CDH12: variants seen among roughly 807,000 people sequenced by gnomAD.
CDH12 encodes cadherin-12.
Under a neutral mutation model 74.1 loss-of-function variants are expected in CDH12, and 41 were observed. That is an observed-to-expected ratio of 0.55 (90% CI 0.43 to 0.72). The LOEUF (loss-of-function observed/expected upper bound fraction) is 0.72. CDH12 is among the 30% of genes least tolerant of loss of function. CDH12 has a pLI of 0.00. For missense variants in CDH12, 945 were observed against 977.2 expected, an observed-to-expected ratio of 0.97 and a Z score of 0.44; for synonymous variants, 399 against 355.0, an observed-to-expected ratio of 1.12 and a Z score of -1.39.
chr5:22,372,911 A>T (rs868822640), intron 3 of CDH12, among the ~76,000 whole-genome samples: 9 of 152,084 alleles, frequency 5.9e-5, no homozygotes, highest in African/African-American at 1.7e-4. Flanking sequence ...CTGCTGTGGG[A>T]TGGAGGCACC....
rs984383049 is a variant in CDH12, at chr5:22,342,680, C to A, written c.-333+62577G>T. Among the ~76,000 whole-genome samples the A allele has an allele frequency of 3.4e-5, 5 of 145,354 alleles. No individual in the cohort carries two copies. The East Asian group carries it at 1.0e-3, about 29-fold the overall frequency. ...TTCTTTCTCTTTCTTTCCTTTCCTT[C>A]TTTTTCTTTCTTTCTTCTTTTTTCT... On this transcript the variant is annotated intron_variant, in intron 3 of 14. Coordinates refer to ENST00000382254, the MANE Select transcript of CDH12 (RefSeq NM_004061.5).
Position 22,025,232 on chromosome 5 carries a change from A to G in CDH12, c.232-49847T>C, listed in dbSNP as rs998344867. Reference sequence around the variant, plus strand: ...AAATATAAATTTCTGGACACAAGGGAGCTTACTTTTTGGACTCTTTATATT... The same window carrying G: ...AAATATAAATTTCTGGACACAAGGGGGCTTACTTTTTGGACTCTTTATATT... On this transcript the variant is annotated intron_variant, in intron 5 of 14. Transcript: ENST00000382254. Among the ~76,000 whole-genome samples, 110 of 152,242 alleles carry G rather than the reference A, an allele frequency of 7.2e-4. 1 individual carries two copies. Among genetic ancestry groups the G allele is most frequent in the African/African-American group, 2.3e-3 (95 of 41,564 alleles).
chr5:22,075,259 A>G (rs1225680085), intron 5 of CDH12, among the ~76,000 whole-genome samples: 1 of 139,728 alleles, frequency 7.2e-6, no homozygotes, highest in African/African-American at 2.7e-5. Context: ...GAATTGAACA[A>G]TGAGAACACT....
intron 1 of CDH12, among the ~76,000 whole-genome samples, chr5:22,635,013 C>G (rs983041765): frequency 2.7e-5 from 4 of 150,730 alleles, no homozygotes; most frequent in Admixed American, 6.6e-5. Flanking sequence ...AAGATGATCA[C>G]ATAATGCAAG....
At chr5:22,775,152 A>T (rs1227615579) in intron 1 of CDH12, among the ~76,000 whole-genome samples, 1 of 152,046 alleles carries the variant, frequency 6.6e-6, no homozygotes, top group Non-Finnish European at 1.5e-5. Flanking sequence ...AAATTCAAAA[A>T]GCACAGGTTT....
rs528153489 is a variant in CDH12 at position 22,124,387 on chromosome 5, G to A, written c.-186-45525C>T. On this transcript the variant is annotated intron_variant, in intron 4 of 14. Coordinates refer to ENST00000382254, the MANE Select transcript of CDH12 (RefSeq NM_004061.5). ...GATCCGCACGACTCGGCCTCCCAAA[G>A]TGCTGGGATTACAGGCGTGAGCCAC... is the stretch of plus-strand genomic sequence containing the variant. Among the ~76,000 whole-genome samples, 764 of 152,098 alleles carry A rather than the reference G, an allele frequency of 5.0e-3. 5 individuals carry two copies. The highest frequency in any genetic ancestry group is 0.017 in the African/African-American group (704 of 41,508).
At chr5:22,596,582 C>G (rs1362018995) in intron 1 of CDH12, among the ~76,000 whole-genome samples, 1 of 152,146 alleles carries the variant, frequency 6.6e-6, no homozygotes, top group Non-Finnish European at 1.5e-5. Flanking sequence ...TCAGGATTGA[C>G]TAATAATGTT....
At chr5:22,401,483 T>G (rs1417535628) in intron 3 of CDH12, among the ~76,000 whole-genome samples, 2 of 152,216 alleles carry the variant, frequency 1.3e-5, no homozygotes, top group African/African-American at 2.4e-5. Context: ...GGTTTCATAA[T>G]ATTTTGTTAC....
chr5:22,109,304 C>G (rs955645895), intron 4 of CDH12, among the ~76,000 whole-genome samples: 1 of 152,084 alleles, frequency 6.6e-6, no homozygotes, highest in African/African-American at 2.4e-5. Flanking sequence ...GAGATAACAT[C>G]CCCCTCCAGA....
intron 1 of CDH12, among the ~76,000 whole-genome samples, chr5:22,581,862 TA>T (rs982873797): frequency 6.6e-6 from 1 of 151,360 alleles, no homozygotes; most frequent in Non-Finnish European, 1.5e-5. Flanking sequence ...AAATCCTGGC[TA>T]AAAAAAAATT....
rs1418178156 is a variant in CDH12, at chr5:22,831,317, TAGG to T, written c.-523+21738_-523+21740del. ...ATTGAGATGATTCTGAGAAATGAAA[TAGG>T]AGAGACAAAGGAAGGTAGGGGTTTT... On this transcript the variant is annotated intron_variant, in intron 1 of 14. Transcript: ENST00000382254. Among the ~76,000 whole-genome samples, 4 of 150,006 alleles carry T rather than the reference TAGG, an allele frequency of 2.7e-5. No individual in the cohort carries two copies. The East Asian group carries it at 5.9e-4, about 22-fold the overall frequency.
At chr5:22,092,311 A>T (rs561321887) in intron 4 of CDH12, among the ~76,000 whole-genome samples, 8 of 152,266 alleles carry the variant, frequency 5.3e-5, no homozygotes, top group African/African-American at 1.9e-4. Context: ...AAGAATACAG[A>T]TATGGAAGTA....
At chr5:21,799,804 C>T (rs10941927) in intron 10 of CDH12, among the ~76,000 whole-genome samples, 1 of 151,928 alleles carries the variant, frequency 6.6e-6, no homozygotes, top group Non-Finnish European at 1.5e-5. Flanking sequence ...GCCTAGAAGA[C>T]ACACTGGGGT....
intron 3 of CDH12, among the ~76,000 whole-genome samples, chr5:22,293,012 CTGTAACCCACATCCATTCCCAA>C (rs1737463684): frequency 1.9e-5 from 1 of 51,582 alleles, no homozygotes. Context: ...CATTCCCAAT[CTGTAACCCACATCCATTCCCAA>C]TCTGTAGTCC....
chr5:22,600,733 C>T (rs1289648338), intron 1 of CDH12, among the ~76,000 whole-genome samples: 1 of 151,674 alleles, frequency 6.6e-6, no homozygotes, highest in Non-Finnish European at 1.5e-5. Flanking sequence ...TTTCACCTGT[C>T]TACTGTCATC....
intron 4 of CDH12, among the ~76,000 whole-genome samples, chr5:22,191,816 G>A (rs181505979): frequency 0.032 from 4,911 of 151,882 alleles, 125 homozygotes; most frequent in Non-Finnish European, 0.048. Flanking sequence ...CGCCCGCCTC[G>A]GCCTCCCAAA....
At chr5:22,458,198 G>A (rs952749150) in intron 2 of CDH12, among the ~76,000 whole-genome samples, 1 of 152,154 alleles carries the variant, frequency 6.6e-6, no homozygotes, top group Admixed American at 6.5e-5. Flanking sequence ...TCTTCTTAGT[G>A]TCTGGTGGTT....
At chr5:21,925,095 A>G (rs1171787802) in intron 6 of CDH12, among the ~76,000 whole-genome samples, 1 of 152,246 alleles carries the variant, frequency 6.6e-6, no homozygotes, top group Non-Finnish European at 1.5e-5. Flanking sequence ...TCCCAGCTAC[A>G]GCGTTACTAC....
intron 4 of CDH12, among the ~76,000 whole-genome samples, chr5:22,191,943 T>C (rs1750334233): frequency 2.0e-5 from 3 of 151,836 alleles, no homozygotes; most frequent in Admixed American, 2.0e-4. Flanking sequence ...TTTTTGTTTG[T>C]CTGTTTGTTT....
Sources: gnomAD v4.1 joint callset for allele counts (sites outside exome capture counted in the v4.1 genomes callset) on GRCh38, gnomAD v4.1.1 for gene constraint, MANE v1.5 for transcripts, NCBI Gene and HGNC (gene_info 2026-07-23, HGNC 2026-07-21) for gene names.